The following AFG2A variants were observed in gnomAD, a reference collection of about 807,000 sequenced individuals.
The protein encoded by AFG2A is ATPase family gene 2 protein homolog A.
the AFG2A span, among the ~76,000 whole-genome samples, chr4:123,175,439 T>A: frequency 1.3e-5 from 2 of 152,316 alleles, no homozygotes; most frequent in East Asian, 3.9e-4. Flanking sequence ...TGAAACAACA[T>A]ACCACTTCCC....
the AFG2A span, among the ~76,000 whole-genome samples, chr4:122,970,979 G>T: frequency 6.6e-6 from 1 of 152,092 alleles, no homozygotes; most frequent in Non-Finnish European, 1.5e-5. Flanking sequence ...GTAGAGACAG[G>T]GTTTCACTAT....
chr4:123,093,265 G>A, the AFG2A span, among the ~76,000 whole-genome samples: 2 of 152,304 alleles, frequency 1.3e-5, no homozygotes, highest in South Asian at 2.1e-4. Flanking sequence ...AGTTGGCAAG[G>A]TGTGGGCTTT....
At chr4:122,947,251 G>A in the AFG2A span, 2 of 1,607,282 alleles carry the variant, frequency 1.2e-6, no homozygotes, top group Non-Finnish European at 1.7e-6. Context: ...TGAAGGACAA[G>A]TGTTGGTTCT....
At chr4:123,034,451 A>C in the AFG2A span, among the ~76,000 whole-genome samples, 1 of 152,064 alleles carries the variant, frequency 6.6e-6, no homozygotes, top group Non-Finnish European at 1.5e-5. Context: ...AGTACTCCTC[A>C]AAACTGTGAA....
At chr4:123,139,788 G>A in the AFG2A span, among the ~76,000 whole-genome samples, 2 of 151,880 alleles carry the variant, frequency 1.3e-5, no homozygotes, top group Admixed American at 1.3e-4. Context: ...AGCAATTTTG[G>A]GAACCATTTA....
the AFG2A span, among the ~76,000 whole-genome samples, chr4:122,973,521 C>T: frequency 6.0e-4 from 90 of 150,596 alleles, no homozygotes; most frequent in African/African-American, 2.1e-3. Context: ...TCATCCTCTT[C>T]CCATTGTCTT....
chr4:122,959,790 G>C, the AFG2A span, among the ~76,000 whole-genome samples: 2 of 152,118 alleles, frequency 1.3e-5, no homozygotes, highest in Non-Finnish European at 2.9e-5. Context: ...GTGATAATGC[G>C]TCTTTTACAG....
chr4:123,303,350 G>A, the AFG2A span, among the ~76,000 whole-genome samples: 13 of 151,688 alleles, frequency 8.6e-5, no homozygotes, highest in African/African-American at 1.2e-4. Flanking sequence ...GCAAGACCCC[G>A]TCTCCTAAAA....
chr4:123,248,699 G>A, the AFG2A span, among the ~76,000 whole-genome samples: 88,986 of 152,040 alleles, frequency 0.59, 27,992 homozygotes, highest in Non-Finnish European at 0.68. Flanking sequence ...GAGAATTGCT[G>A]AATATCAATT....
the AFG2A span, among the ~76,000 whole-genome samples, chr4:123,302,138 TC>T: frequency 9.4e-3 from 1,429 of 152,270 alleles, 9 homozygotes; most frequent in Non-Finnish European, 0.012. Flanking sequence ...AGCCGCTTCC[TC>T]CCAAGCTCCC....
the AFG2A span, among the ~76,000 whole-genome samples, chr4:123,281,479 A>G: frequency 1.3e-5 from 2 of 152,176 alleles, no homozygotes; most frequent in African/African-American, 2.4e-5. Context: ...GTGTTGTCAG[A>G]TGTTGGAGTT....
the AFG2A span, among the ~76,000 whole-genome samples, chr4:123,234,415 A>C: frequency 1.3e-5 from 2 of 152,136 alleles, no homozygotes; most frequent in Non-Finnish European, 2.9e-5. Flanking sequence ...ACTAATTACC[A>C]TAGTAAAGCA....
the AFG2A span, among the ~76,000 whole-genome samples, chr4:123,142,150 C>A: frequency 3.3e-5 from 5 of 152,156 alleles, 1 homozygote; most frequent in African/African-American, 1.2e-4. Context: ...ATATCTGTAT[C>A]ACTGTGAAGT....
the AFG2A span, among the ~76,000 whole-genome samples, chr4:123,237,077 A>G: frequency 3.3e-5 from 5 of 152,246 alleles, no homozygotes; most frequent in Non-Finnish European, 2.9e-5. Context: ...AAGTATTTAG[A>G]AAGTTTTCCT....
At chr4:123,080,290 T>TC in the AFG2A span, among the ~76,000 whole-genome samples, 1 of 152,240 alleles carries the variant, frequency 6.6e-6, no homozygotes, top group South Asian at 2.1e-4. Context: ...GTGCTCTCAC[T>TC]CTCTCTCTGC....
the AFG2A span, among the ~76,000 whole-genome samples, chr4:123,298,748 A>G: frequency 6.6e-6 from 1 of 152,222 alleles, no homozygotes; most frequent in Admixed American, 6.5e-5. Flanking sequence ...AGTGTTCATT[A>G]AAAGATTGAT....
chr4:122,996,850 G>A, the AFG2A span, among the ~76,000 whole-genome samples: 1,769 of 152,210 alleles, frequency 0.012, 49 homozygotes, highest in South Asian at 0.11. Flanking sequence ...TCCAAAGGCT[G>A]GAGAACGTAG....
chr4:122,934,404 T>G, the AFG2A span: 1 of 1,614,252 alleles, frequency 6.2e-7, no homozygotes. Flanking sequence ...TGCTGGATGT[T>G]ACACAGAGCC....
chr4:122,935,749 C>T, the AFG2A span: 1 of 1,611,536 alleles, frequency 6.2e-7, no homozygotes, highest in East Asian at 2.2e-5. Context: ...ACTTTATGGT[C>T]CTCCAGGTAC....
Sources: gnomAD v4.1 joint callset for allele counts (sites outside exome capture counted in the v4.1 genomes callset) on GRCh38, gnomAD v4.1.1 for gene constraint, MANE v1.5 for transcripts, NCBI Gene and HGNC (gene_info 2026-07-23, HGNC 2026-07-21) for gene names.